The following PELI2 variants were observed in gnomAD, a reference collection of about 807,000 sequenced individuals.
PELI2 encodes the protein E3 ubiquitin-protein ligase pellino homolog 2.
In PELI2, 23 loss-of-function variants were observed where a neutral mutation model predicts 42.3. That is an observed-to-expected ratio of 0.54 (90% CI 0.39 to 0.77). The LOEUF is 0.77. Among genes scored for constraint, PELI2 ranks in the 30% least tolerant of loss-of-function variants. The pLI, the probability that PELI2 is intolerant of heterozygous loss-of-function variation, is 0.00. For missense variants in PELI2, 463 were observed against 553.2 expected, an observed-to-expected ratio of 0.84 and a Z score of 1.64; for synonymous variants, 245 against 212.2, an observed-to-expected ratio of 1.15 and a Z score of -1.34.
intron 1 of PELI2, among the ~76,000 whole-genome samples, chr14:56,177,191 G>A (rs1445154363): frequency 6.6e-6 from 1 of 152,140 alleles, no homozygotes; most frequent in South Asian, 2.1e-4. Flanking sequence ...AGACTGTGAC[G>A]CTGACTTGAC....
intron 2 of PELI2, among the ~76,000 whole-genome samples, chr14:56,185,299 T>A (rs1179677061): frequency 6.6e-6 from 1 of 152,182 alleles, no homozygotes; most frequent in African/African-American, 2.4e-5. Context: ...GGTAATTCTG[T>A]CGTTGCAAAT....
intron 2 of PELI2, among the ~76,000 whole-genome samples, chr14:56,233,235 CA>C (rs1887652347): frequency 6.6e-6 from 1 of 152,134 alleles, no homozygotes; most frequent in South Asian, 2.1e-4. Context: ...ACTTTCTTCA[CA>C]GAATTGGAAA....
intron 2 of PELI2, among the ~76,000 whole-genome samples, chr14:56,199,327 C>G (rs1055333617): frequency 1.3e-5 from 2 of 152,098 alleles, no homozygotes; most frequent in Non-Finnish European, 2.9e-5. Context: ...TACTTCTGTT[C>G]TGTTTTTGTT....
chr14:56,208,854 G>T (rs1188871927), intron 2 of PELI2, among the ~76,000 whole-genome samples: 1 of 152,128 alleles, frequency 6.6e-6, no homozygotes, highest in African/African-American at 2.4e-5. Flanking sequence ...TACAAATATG[G>T]TTATTCAGAC....
At chr14:56,242,612 A>C (rs1408423757) in intron 2 of PELI2, among the ~76,000 whole-genome samples, 3 of 152,242 alleles carry the variant, frequency 2.0e-5, no homozygotes, top group African/African-American at 7.2e-5. Flanking sequence ...AATGTCCATC[A>C]GTCAGTGAGT....
intron 2 of PELI2, among the ~76,000 whole-genome samples, chr14:56,228,680 T>A (rs112116625): frequency 0.04 from 6,147 of 152,254 alleles, 436 homozygotes; most frequent in African/African-American, 0.14. Flanking sequence ...CAGCTCCCAG[T>A]GTGAGCGATG....
At chr14:56,262,822 G>T (rs896565528) in intron 2 of PELI2, among the ~76,000 whole-genome samples, 4 of 135,098 alleles carry the variant, frequency 3.0e-5, no homozygotes, top group Admixed American at 2.3e-4. Flanking sequence ...CCTGACTTTT[G>T]ATCATATTCT....
chr14:56,258,737 T>G (rs1888608592), intron 2 of PELI2, among the ~76,000 whole-genome samples: 1 of 152,082 alleles, frequency 6.6e-6, no homozygotes, highest in Non-Finnish European at 1.5e-5. Flanking sequence ...TGGGTATATA[T>G]CAGGTGGTCT....
intron 2 of PELI2, among the ~76,000 whole-genome samples, chr14:56,184,323 A>G (rs1391744838): frequency 6.6e-6 from 1 of 152,110 alleles, no homozygotes; most frequent in African/African-American, 2.4e-5. Context: ...AACCAAATAC[A>G]GGAAACTGTG....
chr14:56,260,672 A>G (rs1203382424), intron 2 of PELI2, among the ~76,000 whole-genome samples: 1 of 152,224 alleles, frequency 6.6e-6, no homozygotes, highest in African/African-American at 2.4e-5. Flanking sequence ...ACAGTTTTTC[A>G]TAAAGTAAAT....
chr14:56,227,014 T>A (rs2139761074), intron 2 of PELI2, among the ~76,000 whole-genome samples: 1 of 152,370 alleles, frequency 6.6e-6, no homozygotes, highest in East Asian at 1.9e-4. Flanking sequence ...TATAAAAGTT[T>A]AAATGTCTGT....
At chr14:56,282,639 A>G (rs920090288) in intron 3 of PELI2, among the ~76,000 whole-genome samples, 3 of 151,998 alleles carry the variant, frequency 2.0e-5, no homozygotes, top group Admixed American at 6.6e-5. Context: ...AATAGTTATT[A>G]AAGTGCCAGT....
At position 56,184,835 on chromosome 14, in the gene PELI2, A is replaced by G. The variant is rs375714184; in HGVS notation, c.207+6371A>G. Among the ~76,000 whole-genome samples the G allele has an allele frequency of 2.9e-4, 44 of 152,198 alleles. No homozygotes were observed. The East Asian group carries it at 4.6e-3, about 16-fold the overall frequency. On this transcript the variant is annotated intron_variant, in intron 2 of 5. Transcript: ENST00000267460. Reference sequence around the variant, plus strand: ...TGAAAGAATTTGGTTTCGTATATCAATCACAGCTCATATATTGCTTAGCTT... The same window carrying G: ...TGAAAGAATTTGGTTTCGTATATCAGTCACAGCTCATATATTGCTTAGCTT...
chr14:56,134,700 A>G (rs1321336404), intron 1 of PELI2, among the ~76,000 whole-genome samples: 1 of 152,088 alleles, frequency 6.6e-6, no homozygotes, highest in Non-Finnish European at 1.5e-5. Flanking sequence ...TAACCGTGAA[A>G]GCCAACTTCA....
At chr14:56,212,808 C>T (rs72717971) in intron 2 of PELI2, among the ~76,000 whole-genome samples, 1,950 of 152,260 alleles carry the variant, frequency 0.013, 18 homozygotes, top group Non-Finnish European at 0.019. Context: ...GTTCCAGTGG[C>T]CAGTCTGGGT....
intron 2 of PELI2, among the ~76,000 whole-genome samples, chr14:56,206,901 T>C (rs548733593): frequency 1.3e-5 from 2 of 152,314 alleles, no homozygotes; most frequent in South Asian, 4.1e-4. Context: ...TTGCTGCATG[T>C]TATGTGAGAA....
intron 2 of PELI2, among the ~76,000 whole-genome samples, chr14:56,201,867 C>G (rs1246083478): frequency 6.6e-6 from 1 of 152,172 alleles, no homozygotes; most frequent in Non-Finnish European, 1.5e-5. Flanking sequence ...GGCTTCTTAA[C>G]CACAGACTTA....
At chr14:56,187,900 C>T (rs759054129) in intron 2 of PELI2, among the ~76,000 whole-genome samples, 4 of 152,186 alleles carry the variant, frequency 2.6e-5, no homozygotes, top group Non-Finnish European at 5.9e-5. Context: ...CCTGCAGGAT[C>T]GCCGTGCTCT....
chr14:56,143,162 T>C (rs537376619), intron 1 of PELI2, among the ~76,000 whole-genome samples: 2 of 152,366 alleles, frequency 1.3e-5, no homozygotes, highest in African/African-American at 2.4e-5. Context: ...CATGACTCTT[T>C]TGTTGAGTAC....
Sources: allele counts gnomAD v4.1 joint callset (sites outside exome capture counted in the v4.1 genomes callset), GRCh38; gene constraint gnomAD v4.1.1; transcripts MANE v1.5; gene names NCBI Gene and HGNC (gene_info 2026-07-23, HGNC 2026-07-21).